Variants in MTMR9 observed in about 807,000 individuals in gnomAD.
MTMR9 encodes myotubularin-related protein 9.
MTMR9 carries 39 observed loss-of-function variants against 69.5 expected under a neutral mutation model. The observed-to-expected ratio is 0.56, with a 90% CI of 0.43 to 0.73. The LOEUF (loss-of-function observed/expected upper bound fraction) is 0.73, where lower values mean the gene tolerates loss of function less well. Among genes scored for constraint, MTMR9 ranks in the 30% least tolerant of loss-of-function variants. MTMR9 has a pLI of 0.00. For missense variants in MTMR9, 900 were observed against 671.2 expected (o/e 1.34, Z -3.77); for synonymous variants, 354 against 240.8 (o/e 1.47, Z -4.35).
chr8:11,309,257 C>G (rs1435492680), intron 5 of MTMR9, among the ~76,000 whole-genome samples: 1 of 152,150 alleles, frequency 6.6e-6, no homozygotes, highest in African/African-American at 2.4e-5. Context: ...GCTCTGGCCT[C>G]TCCTATAGTC....
intron 2 of MTMR9, among the ~76,000 whole-genome samples, 185 bp from the exon 3 acceptor site, chr8:11,299,838 A>C (rs1034922845): frequency 6.6e-6 from 1 of 152,088 alleles, no homozygotes. Context: ...TTTGTTAGAT[A>C]CTAGAAGCAA....
intron 6 of MTMR9, among the ~76,000 whole-genome samples, chr8:11,312,357 T>C (rs1217682807): frequency 3.3e-5 from 5 of 152,034 alleles, no homozygotes; most frequent in Non-Finnish European, 5.9e-5. Context: ...GCATTTTGTT[T>C]TTTATGAGAT....
chr8:11,286,091 T>C (rs1242953676), intron 1 of MTMR9, among the ~76,000 whole-genome samples: 1 of 151,626 alleles, frequency 6.6e-6, no homozygotes, highest in African/African-American at 2.4e-5. Flanking sequence ...TAGCTGGGAT[T>C]ACAGGCACGC....
intron 1 of MTMR9, among the ~76,000 whole-genome samples, chr8:11,287,866 T>C (rs1249236335): frequency 4.5e-5 from 5 of 111,106 alleles, no homozygotes; most frequent in African/African-American, 9.2e-5. Context: ...TTATATATTA[T>C]ATTATAATAT....
chr8:11,337,672 C>T, the MTMR9 span, among the ~76,000 whole-genome samples: 2 of 152,232 alleles, frequency 1.3e-5, no homozygotes, highest in South Asian at 2.1e-4. Flanking sequence ...AAAGTAGACT[C>T]GGTCCTGCTA....
chr8:11,288,714 G>A (rs925324826), intron 1 of MTMR9, among the ~76,000 whole-genome samples: 1 of 152,214 alleles, frequency 6.6e-6, no homozygotes, highest in African/African-American at 2.4e-5. Flanking sequence ...GGGCCTGCAG[G>A]CCACAGTAAT....
At chr8:11,309,896 T>C (rs187590289) in intron 6 of MTMR9, among the ~76,000 whole-genome samples, 4 of 152,292 alleles carry the variant, frequency 2.6e-5, no homozygotes, top group Non-Finnish European at 4.4e-5. Flanking sequence ...ACCAGGTAAA[T>C]ATACATGTCT....
chr8:11,288,698 C>G (rs1303322298), intron 1 of MTMR9, among the ~76,000 whole-genome samples: 4 of 152,076 alleles, frequency 2.6e-5, no homozygotes, highest in Non-Finnish European at 5.9e-5. Flanking sequence ...GTGGTCAGAC[C>G]GTGGAGGGCC....
intron 1 of MTMR9, chr8:11,285,321 G>C (rs1317402371): frequency 2.6e-6 from 1 of 388,904 alleles, no homozygotes; most frequent in Non-Finnish European, 4.6e-6. Flanking sequence ...TTTCTGGTTC[G>C]TAACACCATT....
At chr8:11,338,885 C>T in the MTMR9 span, among the ~76,000 whole-genome samples, 4 of 152,156 alleles carry the variant, frequency 2.6e-5, no homozygotes, top group Admixed American at 6.6e-5. Flanking sequence ...TGGTCATTTA[C>T]CAGAATAATT....
chr8:11,335,084 G>A, the MTMR9 span, among the ~76,000 whole-genome samples: 88,368 of 152,056 alleles, frequency 0.58, 26,457 homozygotes, highest in East Asian at 0.97. Context: ...CTAATGCAAT[G>A]AGACAGAAAC....
chr8:11,287,817 A>ATATTTT (rs1563262787), intron 1 of MTMR9, among the ~76,000 whole-genome samples: 2 of 123,536 alleles, frequency 1.6e-5, no homozygotes, highest in Non-Finnish European at 3.2e-5. Context: ...TAATACATAT[A>ATATTTT]ATATATAATA....
intron 1 of MTMR9, among the ~76,000 whole-genome samples, chr8:11,288,059 A>C (rs1585104571): frequency 7.7e-6 from 1 of 130,480 alleles, no homozygotes; most frequent in Non-Finnish European, 1.6e-5. Context: ...CGTATTATAT[A>C]ATATATATTA....
intron 6 of MTMR9, among the ~76,000 whole-genome samples, chr8:11,310,254 G>C (rs190126102): frequency 2.0e-5 from 3 of 152,296 alleles, no homozygotes; most frequent in Admixed American, 2.0e-4. Flanking sequence ...TCAGTTAAAG[G>C]TTGCTAATCC....
intron 4 of MTMR9, 128 bp from the exon 5 acceptor site, chr8:11,306,062 G>T: frequency 1.4e-6 from 1 of 712,860 alleles, no homozygotes. Context: ...CTTTGTTTAT[G>T]GATCAAATCC....
chr8:11,305,157 T>C, intron 4 of MTMR9, 143 bp downstream of exon 4: 2 of 765,340 alleles, frequency 2.6e-6, no homozygotes, highest in Non-Finnish European at 4.1e-6. Flanking sequence ...ATGTAAGCTT[T>C]AGGGAATCAG....
intron 3 of MTMR9, among the ~76,000 whole-genome samples, chr8:11,301,270 T>A (rs1343773640): frequency 6.6e-6 from 1 of 152,188 alleles, no homozygotes; most frequent in Non-Finnish European, 1.5e-5. Context: ...AAAGCCACAG[T>A]AATCAAGAGA....
At chr8:11,314,834 G>A in intron 6 of MTMR9, 89 bp from the exon 7 acceptor site, 7 of 1,292,374 alleles carry the variant, frequency 5.4e-6, no homozygotes, top group Non-Finnish European at 7.7e-6. Context: ...AGACTAAAAT[G>A]TTGTGCTCAA....
chr8:11,323,586 G>T lies in MTMR9; in HGVS notation c.*798G>T, dbSNP rs964140851. ...ATACAATGTGTTTCAAATGCTGCTT[G>T]TAAAATTAAACCATCATCTAGAATA... is the stretch of plus-strand genomic sequence containing the variant. On this transcript the variant is annotated 3_prime_UTR_variant, in exon 10 of 10. Transcript: ENST00000221086. The T allele has an allele frequency of 1.3e-5, 2 of 152,206 alleles. No homozygotes were observed. Among genetic ancestry groups the T allele is most frequent in the Non-Finnish European group, 2.9e-5 (2 of 68,038 alleles). 9.4% of individuals were successfully genotyped at this position (152,206 alleles called of 1,614,324 possible).
Sources: allele counts gnomAD v4.1 joint callset (sites outside exome capture counted in the v4.1 genomes callset), GRCh38; gene constraint gnomAD v4.1.1; transcripts MANE v1.5; gene names NCBI Gene and HGNC (gene_info 2026-07-23, HGNC 2026-07-21).